Variants in ABCC12 observed in about 807,000 individuals in gnomAD.
The protein encoded by ABCC12 is ATP binding cassette subfamily C member 12.
In ABCC12, 142 loss-of-function variants were observed where a neutral mutation model predicts 151.1. That is an observed-to-expected ratio of 0.94 (90% CI 0.82 to 1.08). The LOEUF (loss-of-function observed/expected upper bound fraction) is 1.08, where lower values mean the gene tolerates loss of function less well. ABCC12 is among the 50% of genes least tolerant of loss of function. The pLI, the probability that ABCC12 is intolerant of heterozygous loss-of-function variation, is 0.00. For synonymous variants in ABCC12, 645 were observed against 646.4 expected, an observed-to-expected ratio of 1.00 and a Z score of 0.03; for missense variants, 1,638 against 1,691.1, an observed-to-expected ratio of 0.97 and a Z score of 0.55.
At chr16:48,135,014 T>G (rs1027435915) in intron 8 of ABCC12, among the ~76,000 whole-genome samples, 1 of 147,260 alleles carries the variant, frequency 6.8e-6, no homozygotes, top group African/African-American at 2.5e-5. Flanking sequence ...ATTGCACCAC[T>G]GCACTCCAGC....
At chr16:48,101,151 C>T in intron 22 of ABCC12, 142 bp from the exon 23 acceptor site, 1 of 1,031,926 alleles carries the variant, frequency 9.7e-7, no homozygotes. Context: ...GAAGAGCAGC[C>T]TGCCATTCTG....
At chr16:48,129,876 ATGTGATGG>A (rs1964365154) in intron 10 of ABCC12, among the ~76,000 whole-genome samples, 1 of 152,186 alleles carries the variant, frequency 6.6e-6, no homozygotes, top group Admixed American at 6.5e-5. Flanking sequence ...CATGCAATTA[ATGTGATGG>A]TGTCCTTATG....
At position 48,086,545 on chromosome 16, in the gene ABCC12, G is replaced by A. The variant is rs1212795235; in HGVS notation, c.3714+196C>T. On this transcript the variant is annotated intron_variant, in intron 28 of 30. Transcript: ENST00000311303. ...GATGATACATGTAGTGCTCTTGACTGGATCATTGTAGAGCCCTATTGTTGC... is the reference window on the plus strand; with the variant it reads ...GATGATACATGTAGTGCTCTTGACTAGATCATTGTAGAGCCCTATTGTTGC... The A allele has an allele frequency of 8.8e-6, 5 of 567,596 alleles. No homozygotes were observed. In the Admixed American group the frequency reaches 8.9e-5, roughly 10 times the overall value. The allele number at this position is 567,596 out of a possible 1,614,324, so 35.2% of individuals were successfully genotyped here.
At chr16:48,154,462 G>T (rs1965157307) in intron 1 of ABCC12, among the ~76,000 whole-genome samples, 2 of 152,162 alleles carry the variant, frequency 1.3e-5, no homozygotes, top group South Asian at 4.2e-4. Context: ...GTTGAGCACG[G>T]CAGCCCCTCC....
chr16:48,117,945 G>A (rs914476228), intron 13 of ABCC12, among the ~76,000 whole-genome samples: 67 of 152,202 alleles, frequency 4.4e-4, no homozygotes, highest in African/African-American at 1.5e-3. Flanking sequence ...GTGAGGGGGC[G>A]GAATGGGAGA....
Position 48,083,561 on chromosome 16 carries a change from T to C in ABCC12, c.*154A>G, listed in dbSNP as rs1023080786. 1.3e-6 allele frequency: 1 copy of C among 787,624 alleles called. No individual in the cohort carries two copies. The highest frequency in any genetic ancestry group is 2.3e-5 in the Admixed American group (1 of 43,186). The allele number at this position is 787,624 out of a possible 1,614,324, so 48.8% of individuals were successfully genotyped here. On this transcript the variant is annotated 3_prime_UTR_variant, in exon 31 of 31. Coordinates refer to ENST00000311303, the MANE Select transcript of ABCC12 (RefSeq NM_001393797.1). ...CAAGTGGGGTGACATGGACTGAGTA[T>C]GGCAGTGGGGACAACTTCAGCCCCA...
At chr16:48,099,742 G>A (rs756401354) in intron 23 of ABCC12, among the ~76,000 whole-genome samples, 9 of 152,110 alleles carry the variant, frequency 5.9e-5, no homozygotes, top group Admixed American at 2.6e-4. Flanking sequence ...CTTGTCTTCC[G>A]GCCTAACACA....
In ABCC12 at chr16:48,081,704, C is replaced by A. The variant is rs1193583182; in HGVS notation, c.*2011G>T. ...AGACATCAGGATCAATGTCGGTGTT[C>A]TTCTTCTGCCAGAGTAAACCAAAGC... is the stretch of plus-strand genomic sequence containing the variant. On this transcript the variant is annotated 3_prime_UTR_variant, in exon 31 of 31. Coordinates refer to ENST00000311303, the MANE Select transcript of ABCC12 (RefSeq NM_001393797.1). 2.0e-5 allele frequency among the ~76,000 whole-genome samples: 3 copies of A among 152,062 alleles called. No individual in the cohort carries two copies. The highest frequency in any genetic ancestry group is 4.4e-5 in the Non-Finnish European group (3 of 67,954).
chr16:48,091,306 C>G lies in ABCC12; in HGVS notation c.3196-97G>C. On this transcript the variant is annotated intron_variant, in intron 24 of 30. Transcript: ENST00000311303. ...AGGCAGTCCTAGTGAATGATCCCTC[C>G]CCTGCCTAGCGCAAGACAGCACAAA... 3 of 1,071,314 alleles carry G rather than the reference C, an allele frequency of 2.8e-6. No individual in the cohort carries two copies. The South Asian group carries it at 3.8e-5, about 13-fold the overall frequency. 66.4% of individuals were successfully genotyped at this position (1,071,314 alleles called of 1,614,324 possible). A position where few individuals can be genotyped will look rare whatever the true frequency, so the allele number is the denominator to read the frequency against.
chr16:48,144,226 G>A (rs767512830), intron 3 of ABCC12, among the ~76,000 whole-genome samples, 161 bp from the exon 4 acceptor site: 4 of 152,172 alleles, frequency 2.6e-5, no homozygotes, highest in Admixed American at 1.3e-4. Context: ...GATGTGCTGG[G>A]GCCAGCTGGT....
chr16:48,108,564 C>T (rs569809915), intron 18 of ABCC12, 35 bp from the exon 19 acceptor site: 8 of 1,597,868 alleles, frequency 5.0e-6, no homozygotes, highest in East Asian at 2.2e-5. Flanking sequence ...TGGCTCTCAC[C>T]ACTGGGGTGG....
chr16:48,124,286 T>G lies in ABCC12; in HGVS notation c.1516-2A>C, dbSNP rs551289313. ...CCCACATATTCCCAAGATCTTCCCC[T>G]GCCAGAGAAACAGAGATGGGACACA... On this transcript the variant is annotated splice_acceptor_variant, in intron 11 of 30. Coordinates refer to ENST00000311303, the MANE Select transcript of ABCC12 (RefSeq NM_001393797.1). LOFTEE classifies it high-confidence loss of function. The G allele has an allele frequency of 3.1e-6, 5 of 1,613,942 alleles. No homozygotes were observed. In the Admixed American group the frequency reaches 8.3e-5, roughly 27 times the overall value.
chr16:48,085,685 AT>A lies in ABCC12; in HGVS notation c.3735del (p.Lys1245AsnfsTer15). 6.2e-7 allele frequency: 1 copy of A among 1,613,886 alleles called. No individual in the cohort carries two copies. The highest frequency in any genetic ancestry group is 8.5e-7 in the Non-Finnish European group (1 of 1,179,952). On this transcript the variant is annotated frameshift_variant, in exon 29 of 31. Transcript: ENST00000311303. LOFTEE classifies it high-confidence loss of function. ...MRDTIMKLPE[K>X]LQAEVTENGE... The stretch of plus-strand genomic sequence containing the variant: ...CCATTTTCTGTGACTTCTGCCTGTA[AT>A]TTTTCTGGGAGTTTCATTATCTACA...
chr16:48,110,221 C>T (rs1041414110), intron 18 of ABCC12, among the ~76,000 whole-genome samples: 1 of 152,068 alleles, frequency 6.6e-6, no homozygotes, highest in Non-Finnish European at 1.5e-5. Flanking sequence ...CTCATCGATT[C>T]GAAGGCTCAC....
In ABCC12 at chr16:48,133,801, TTTTTCCAGTAA is replaced by T; in HGVS notation, c.1003_1013del (p.Leu335SerfsTer41). 2 of 1,614,096 alleles carry T rather than the reference TTTTTCCAGTAA, an allele frequency of 1.2e-6. No individual in the cohort carries two copies. Among genetic ancestry groups the T allele is most frequent in the Non-Finnish European group, 1.7e-6 (2 of 1,180,010 alleles). ...AGTTTCCACTTTGGACAAATCCAGC[TTTTTCCAGTAA>T]TTTTCTTTCCCTCCTTCTTATATCT... On this transcript the variant is annotated frameshift_variant, in exon 9 of 31. Transcript: ENST00000311303. LOFTEE classifies it high-confidence loss of function.
intron 19 of ABCC12, among the ~76,000 whole-genome samples, chr16:48,108,186 G>C (rs1338138233): frequency 1.3e-5 from 2 of 152,130 alleles, no homozygotes; most frequent in Admixed American, 1.3e-4. Context: ...GCAAGGGTAG[G>C]GTTCATGCTG....
At chr16:48,088,484 A>G in intron 26 of ABCC12, 61 bp downstream of exon 26, 1 of 1,556,602 alleles carries the variant, frequency 6.4e-7, no homozygotes, top group Non-Finnish European at 8.7e-7. Context: ...CTTAACTAGG[A>G]CATCCAGTGG....
At chr16:48,143,649 G>T (rs1964897076) in intron 4 of ABCC12, among the ~76,000 whole-genome samples, 2 of 152,140 alleles carry the variant, frequency 1.3e-5, no homozygotes, top group Admixed American at 1.3e-4. Flanking sequence ...ATTTTCCTGT[G>T]CTGTTCTTGT....
At chr16:48,089,663 G>A (rs1414574264) in intron 25 of ABCC12, among the ~76,000 whole-genome samples, 1 of 152,144 alleles carries the variant, frequency 6.6e-6, no homozygotes, top group Non-Finnish European at 1.5e-5. Context: ...TATTGTTAAG[G>A]ACTGAGTATT....
Sources: allele counts gnomAD v4.1 joint callset (sites outside exome capture counted in the v4.1 genomes callset), GRCh38; gene constraint gnomAD v4.1.1; transcripts MANE v1.5; gene names NCBI Gene and HGNC (gene_info 2026-07-23, HGNC 2026-07-21).